The following CROCC variants were observed in gnomAD, a reference collection of about 807,000 sequenced individuals.
CROCC encodes the protein rootletin.
CROCC carries 180 observed loss-of-function variants against 245.2 expected under a neutral mutation model. The observed-to-expected ratio is 0.73, with a 90% CI of 0.65 to 0.83. CROCC has a LOEUF of 0.83. Among genes scored for constraint, CROCC ranks in the 40% least tolerant of loss-of-function variants. CROCC has a pLI of 0.00. For missense variants in CROCC, 2,688 were observed against 2,779.4 expected (o/e 0.97, Z 0.74); for synonymous variants, 1,205 against 1,241.6 (o/e 0.97, Z 0.62).
intron 12 of CROCC, 32 bp from the exon 13 acceptor site, chr1:16,939,862 C>T: frequency 6.2e-7 from 1 of 1,607,060 alleles, no homozygotes; most frequent in East Asian, 2.2e-5. Flanking sequence ...CCTCTCAGGC[C>T]CCCCCAGACT....
intron 13 of CROCC, 59 bp downstream of exon 13, chr1:16,940,152 A>ACC: frequency 1.3e-6 from 2 of 1,529,158 alleles, no homozygotes; most frequent in Non-Finnish European, 1.8e-6. Context: ...TGGGCATAAC[A>ACC]CCAGTCAAGC....
At chr1:16,964,388 TTTC>T (rs1411711124) in intron 27 of CROCC, among the ~76,000 whole-genome samples, 1 of 151,788 alleles carries the variant, frequency 6.6e-6, no homozygotes, top group Non-Finnish European at 1.5e-5. Context: ...TTTCCTCTTC[TTTC>T]TTCTTTTTTT....
chr1:16,965,004 C>T (rs374535981), intron 27 of CROCC, among the ~76,000 whole-genome samples: 3 of 151,966 alleles, frequency 2.0e-5, no homozygotes, highest in Admixed American at 6.6e-5. Flanking sequence ...TCAGTAGAGA[C>T]GGGGTTTTAC....
Position 16,954,468 on chromosome 1 carries a change from TG to T in CROCC, c.3321+114del. 1 of 1,419,980 alleles carries T rather than the reference TG, an allele frequency of 7.0e-7. No individual in the cohort carries two copies. Among genetic ancestry groups the T allele is most frequent in the Non-Finnish European group, 9.4e-7 (1 of 1,058,548 alleles). 88.0% of individuals were successfully genotyped at this position (1,419,980 alleles called of 1,614,324 possible). ...CTGTCCTGGAGAAGCTTCCAGGCTG[TG>T]GGAAAGGAGGTTTAGCCCTTCTTTT... On this transcript the variant is annotated intron_variant, in intron 22 of 36. Coordinates refer to ENST00000375541, the MANE Select transcript of CROCC (RefSeq NM_014675.5). This position sits in a 1 kb window ranked among gnomAD's most constrained non-coding sequence, Gnocchi z 4.4.
In CROCC at chr1:16,954,440, G is replaced by A. The variant is rs1041652877; in HGVS notation, c.3321+83G>A. On this transcript the variant is annotated intron_variant, in intron 22 of 36. Transcript: ENST00000375541. This position sits in a 1 kb window ranked among gnomAD's most constrained non-coding sequence, Gnocchi z 4.4. The stretch of plus-strand genomic sequence containing the variant: ...GGAGCCCCCACCACGGGGCGGCATG[G>A]CCCTGTCCTGGAGAAGCTTCCAGGC... The A allele has an allele frequency of 1.3e-6, 2 of 1,514,924 alleles. No individual in the cohort carries two copies. Among genetic ancestry groups the A allele is most frequent in the Non-Finnish European group, 1.8e-6 (2 of 1,123,594 alleles). 93.8% of individuals were successfully genotyped at this position (1,514,924 alleles called of 1,614,324 possible). A position where few individuals can be genotyped will look rare whatever the true frequency, so the allele number is the denominator to read the frequency against.
At position 16,936,748 on chromosome 1, in the gene CROCC, C is replaced by A. The variant is rs754826547; in HGVS notation, c.1068C>A (p.Ala356=). The change falls in exon 9 of 37, where the codon GCC becomes GCA. Residue 356 remains alanine (A), a synonymous_variant. Coordinates refer to ENST00000375541, the MANE Select transcript of CROCC (RefSeq NM_014675.5). ...LRLAESRAEA[A]LEKQALLQAQ... ...TGGCAGAGAGCCGGGCCGAGGCAGC[C>A]CTGGAGAAACAGGCCCTGCTGCAGG... 2 of 1,610,704 alleles carry A rather than the reference C, an allele frequency of 1.2e-6. No individual in the cohort carries two copies. The highest frequency in any genetic ancestry group is 1.7e-6 in the Non-Finnish European group (2 of 1,179,348).
chr1:16,968,121 TC>T (rs2100552712), intron 30 of CROCC, 81 bp from the exon 31 acceptor site: 2 of 1,409,696 alleles, frequency 1.4e-6, no homozygotes, highest in Non-Finnish European at 2.0e-6. Flanking sequence ...CTCCCCACTT[TC>T]CCCCTAAGGG....
intron 11 of CROCC, among the ~76,000 whole-genome samples, 196 bp from the exon 12 acceptor site, chr1:16,938,713 T>C (rs2075847721): frequency 6.6e-6 from 1 of 152,284 alleles, no homozygotes; most frequent in South Asian, 2.1e-4. Context: ...GGCCAAATGA[T>C]GTCTTCCCAA....
Position 16,966,281 on chromosome 1 carries a change from G to T in CROCC, c.4697-127G>T, listed in dbSNP as rs1300012566. 1 of 1,421,926 alleles carries T rather than the reference G, an allele frequency of 7.0e-7. No homozygotes were observed. The highest frequency in any genetic ancestry group is 9.3e-7 in the Non-Finnish European group (1 of 1,075,088). The allele number at this position is 1,421,926 out of a possible 1,614,324, so 88.1% of individuals were successfully genotyped here. ...GACAGCCTCACCTGTGTGCAGGCCC[G>T]CATACTACGAAGGGTGCAGACAGTC... On this transcript the variant is annotated intron_variant, in intron 29 of 36. Coordinates refer to ENST00000375541, the MANE Select transcript of CROCC (RefSeq NM_014675.5). This position sits in a 1 kb window ranked among gnomAD's most constrained non-coding sequence, Gnocchi z 4.8.
rs2075994628 is a variant in CROCC, at chr1:16,944,175, G to T, written c.1884G>T (p.Lys628Asn). 1 of 1,555,270 alleles carries T rather than the reference G, an allele frequency of 6.4e-7. No homozygotes were observed. The highest frequency in any genetic ancestry group is 1.4e-5 in the African/African-American group (1 of 73,680). Residue 628 changes from lysine (K) to asparagine (N), a missense_variant, in exon 14 of 37, where the codon AAG (lysine) becomes AAT (asparagine). By Grantham distance (94) the Lys-to-Asn change is moderately conservative. This residue lies in a region of CROCC where 972 missense variants were observed against 895.3 expected (regional missense o/e 1.09). Transcript: ENST00000375541. Reference sequence around the variant, plus strand: ...AGGAGCTGCGGCAGGAGCGGGAGAAGCTGCAGGCTGCCCAGGAGGAGCTGC... The same window carrying T: ...AGGAGCTGCGGCAGGAGCGGGAGAATCTGCAGGCTGCCCAGGAGGAGCTGC... ...QAEELRQERE[K>N]LQAAQEELRR...
At chr1:16,923,163 T>C (rs2075447788) in intron 2 of CROCC, among the ~76,000 whole-genome samples, 1 of 152,252 alleles carries the variant, frequency 6.6e-6, no homozygotes, top group African/African-American at 2.4e-5. Flanking sequence ...TTTGCGGAAG[T>C]CTGAGTGGAT....
intron 8 of CROCC, among the ~76,000 whole-genome samples, chr1:16,933,470 A>G (rs2075724092): frequency 6.6e-6 from 1 of 152,408 alleles, no homozygotes; most frequent in Middle Eastern, 3.4e-3. Context: ...CTGTCTCGAA[A>G]AAAAAAGTCA....
At chr1:16,938,367 C>G (rs1205166541) in intron 10 of CROCC, 33 bp from the exon 11 acceptor site, 3 of 1,537,708 alleles carry the variant, frequency 2.0e-6, no homozygotes, top group Non-Finnish European at 2.6e-6. Context: ...GACAGAACCC[C>G]AACCACCCTT....
intron 36 of CROCC, among the ~76,000 whole-genome samples, 191 bp from the exon 37 acceptor site, chr1:16,972,169 C>T (rs2076532391): frequency 6.6e-6 from 1 of 152,162 alleles, no homozygotes; most frequent in Non-Finnish European, 1.5e-5. Flanking sequence ...CTCAAAGGTG[C>T]CCAACAGTCA....
At chr1:16,923,338 CTG>C (rs1339064278) in intron 2 of CROCC, among the ~76,000 whole-genome samples, 3 of 152,274 alleles carry the variant, frequency 2.0e-5, no homozygotes, top group African/African-American at 7.2e-5. Flanking sequence ...TAACCATTGT[CTG>C]TGTTCAACTC....
intron 16 of CROCC, among the ~76,000 whole-genome samples, 155 bp downstream of exon 16, chr1:16,946,560 C>T (rs2076051494): frequency 6.6e-6 from 1 of 152,296 alleles, no homozygotes; most frequent in Non-Finnish European, 1.5e-5. Flanking sequence ...GTCTGTCTAT[C>T]CCCTCTAGGC....
At chr1:16,967,472 C>T (rs2076438517) in intron 30 of CROCC, among the ~76,000 whole-genome samples, 1 of 152,224 alleles carries the variant, frequency 6.6e-6, no homozygotes, top group African/African-American at 2.4e-5. Flanking sequence ...GCCATGGGCC[C>T]AGCCGCAGGG....
intron 31 of CROCC, 136 bp from the exon 32 acceptor site, chr1:16,968,980 T>A (rs2076465524): frequency 5.7e-6 from 5 of 879,382 alleles, no homozygotes; most frequent in East Asian, 2.6e-5. Flanking sequence ...TTAGGAACAC[T>A]GGGTCTCAAT....
rs1421363032 is a variant in CROCC at position 16,921,971 on chromosome 1, TG to T, written c.-44del. ...TGGCGCGTGCTGACTGAGCTAGTCT[TG>T]GGGTCCTGGAGAAGGGGGCTGGAGG... On this transcript the variant is annotated 5_prime_UTR_variant, in exon 1 of 37. Coordinates refer to ENST00000375541, the MANE Select transcript of CROCC (RefSeq NM_014675.5). 1.3e-6 allele frequency: 2 copies of T among 1,511,734 alleles called. No individual in the cohort carries two copies. The highest frequency in any genetic ancestry group is 2.0e-5 in the Admixed American group (1 of 50,824). The allele number at this position is 1,511,734 out of a possible 1,614,324, so 93.6% of individuals were successfully genotyped here. A position where few individuals can be genotyped will look rare whatever the true frequency, so the allele number is the denominator to read the frequency against.
Sources: allele counts gnomAD v4.1 joint callset (sites outside exome capture counted in the v4.1 genomes callset), GRCh38; gene constraint gnomAD v4.1.1; regional missense constraint gnomAD v4.1.1; non-coding constraint Gnocchi (gnomAD v3.1); transcripts MANE v1.5; gene names NCBI Gene and HGNC (gene_info 2026-07-23, HGNC 2026-07-21).